ROCK2: variants seen among roughly 807,000 people sequenced by gnomAD.
ROCK2 encodes rho-associated protein kinase 2.
ROCK2 carries 61 observed loss-of-function variants against 195.1 expected under a neutral mutation model. That is an observed-to-expected ratio of 0.31 (90% CI 0.25 to 0.39). ROCK2 has a LOEUF of 0.39. ROCK2 is among the 10% of genes least tolerant of loss of function. The pLI, the probability that ROCK2 is intolerant of heterozygous loss-of-function variation, is 1.00. For synonymous variants in ROCK2, 504 were observed against 545.5 expected, an observed-to-expected ratio of 0.92 and a Z score of 1.06; for missense variants, 1,109 against 1,637.4, an observed-to-expected ratio of 0.68 and a Z score of 5.57.
rs530855737 is a variant in ROCK2, at chr2:11,287,606, T to C, written c.223+49A>G. Reference sequence around the variant, plus strand: ...TGATAATAACCAAACAAAAATCTCTTATCAAAAGTAGAGTTATAAGATCAA... The same window carrying C: ...TGATAATAACCAAACAAAAATCTCTCATCAAAAGTAGAGTTATAAGATCAA... On this transcript the variant is annotated intron_variant, in intron 2 of 32. Coordinates refer to ENST00000315872, the MANE Select transcript of ROCK2 (RefSeq NM_004850.5). 5.1e-5 allele frequency: 27 copies of C among 528,960 alleles called. No individual in the cohort carries two copies. The South Asian group carries it at 1.6e-3, about 31-fold the overall frequency. The allele number at this position is 528,960 out of a possible 1,614,324, so 32.8% of individuals were successfully genotyped here.
chr2:11,314,101 TA>T (rs1668118797), intron 1 of ROCK2, among the ~76,000 whole-genome samples: 1 of 151,834 alleles, frequency 6.6e-6, no homozygotes, highest in African/African-American at 2.4e-5. Context: ...TAAAAGCTAT[TA>T]AAAATAAGGT....
At chr2:11,342,969 T>C (rs1669151572) in intron 1 of ROCK2, among the ~76,000 whole-genome samples, 1 of 152,176 alleles carries the variant, frequency 6.6e-6, no homozygotes, top group African/African-American at 2.4e-5. Context: ...GAGGAGGCAG[T>C]TTTTCTCATC....
intron 23 of ROCK2, among the ~76,000 whole-genome samples, chr2:11,199,074 T>C (rs927599664): frequency 6.6e-6 from 1 of 151,684 alleles, no homozygotes; most frequent in Non-Finnish European, 1.5e-5. Context: ...CTAATTTTTA[T>C]AGTTTTAGTA....
At chr2:11,310,036 T>A (rs1451455140) in intron 1 of ROCK2, among the ~76,000 whole-genome samples, 1 of 152,174 alleles carries the variant, frequency 6.6e-6, no homozygotes, top group Admixed American at 6.5e-5. Context: ...CTTTGAGAGA[T>A]TTCTATGAAT....
intron 6 of ROCK2, among the ~76,000 whole-genome samples, chr2:11,226,301 G>T (rs1664809604): frequency 6.6e-6 from 1 of 152,092 alleles, no homozygotes; most frequent in South Asian, 2.1e-4. Flanking sequence ...AGAAAGTTTT[G>T]AAATACTTCA....
rs34964630 is a variant in ROCK2, at chr2:11,208,601, C to CTT, written c.2204-156_2204-155dup. ...TCTATTAATTTTCTTTTTTTCTTTT[C>CTT]TTTTTTTTTTTTTTGAGACAGAGTC... On this transcript the variant is annotated intron_variant, in intron 18 of 32. Transcript: ENST00000315872. 4.8e-3 allele frequency among the ~76,000 whole-genome samples: 675 copies of CTT among 140,138 alleles called. 3 individuals carry two copies. Among genetic ancestry groups the CTT allele is most frequent in the African/African-American group, 0.011 (424 of 38,406 alleles). The allele number at this position is 140,138 out of a possible 152,430, so 91.9% of individuals were successfully genotyped here.
chr2:11,254,265 G>A (rs546033113), intron 3 of ROCK2, among the ~76,000 whole-genome samples: 11 of 152,260 alleles, frequency 7.2e-5, no homozygotes, highest in Non-Finnish European at 1.3e-4. Flanking sequence ...TGAGAGAAGA[G>A]AAACTCACCA....
intron 1 of ROCK2, among the ~76,000 whole-genome samples, chr2:11,325,665 T>G (rs1015542997): frequency 2.6e-5 from 4 of 152,170 alleles, no homozygotes; most frequent in Non-Finnish European, 5.9e-5. Context: ...ATTTTAACTT[T>G]TCTCTGAATG....
chr2:11,283,454 G>C (rs574651221), intron 3 of ROCK2, among the ~76,000 whole-genome samples: 6 of 149,586 alleles, frequency 4.0e-5, no homozygotes, highest in Non-Finnish European at 8.9e-5. Flanking sequence ...CCAGCTACTC[G>C]GGAGGCTGAG....
At chr2:11,230,398 A>G (rs1456141896) in intron 5 of ROCK2, among the ~76,000 whole-genome samples, 2 of 152,218 alleles carry the variant, frequency 1.3e-5, no homozygotes, top group African/African-American at 2.4e-5. Context: ...CAAAATATGA[A>G]TAAGAATTTT....
Position 11,215,601 on chromosome 2 carries a change from T to C in ROCK2, c.1506A>G (p.Glu502=), listed in dbSNP as rs757268791. ...KSVESALRQL[E]REKALLQHKN... ...TGTGCTGAAGAAGCGCCTTTTCTCT[T>C]TCTAACTGTCTTAATGCTGATTCCA... is the stretch of plus-strand genomic sequence containing the variant. Residue 502 remains glutamate (E), a synonymous_variant, in exon 14 of 33, where the codon GAA becomes GAG. Transcript: ENST00000315872. 1 of 1,613,446 alleles carries C rather than the reference T, an allele frequency of 6.2e-7. No homozygotes were observed. Among genetic ancestry groups the C allele is most frequent in the East Asian group, 2.2e-5 (1 of 44,800 alleles).
chr2:11,255,259 TC>T (rs202161115), intron 3 of ROCK2, among the ~76,000 whole-genome samples: 3,084 of 147,760 alleles, frequency 0.021, 97 homozygotes, highest in East Asian at 0.048. Context: ...TCTTGATCTT[TC>T]CACACATCTA....
At chr2:11,227,119 A>G in intron 6 of ROCK2, 135 bp downstream of exon 6, 1 of 744,022 alleles carries the variant, frequency 1.3e-6, no homozygotes. Context: ...ATCAGATACT[A>G]CTAATTCAAA....
At chr2:11,204,433 T>C (rs1423525945) in intron 20 of ROCK2, among the ~76,000 whole-genome samples, 1 of 152,188 alleles carries the variant, frequency 6.6e-6, no homozygotes, top group Non-Finnish European at 1.5e-5. Context: ...TAGATCTTTT[T>C]TCATTTATAT....
intron 1 of ROCK2, among the ~76,000 whole-genome samples, chr2:11,335,522 A>T (rs1270369483): frequency 6.6e-6 from 1 of 152,204 alleles, no homozygotes; most frequent in African/African-American, 2.4e-5. Context: ...CTTATCACTA[A>T]CAAATTAGAG....
chr2:11,267,081 A>C (rs1473880179), intron 3 of ROCK2, among the ~76,000 whole-genome samples: 2 of 152,222 alleles, frequency 1.3e-5, no homozygotes, highest in African/African-American at 4.8e-5. Flanking sequence ...ATGATAAATC[A>C]AGGTCTGTCA....
chr2:11,270,834 C>T (rs1254905385), intron 3 of ROCK2, among the ~76,000 whole-genome samples: 1 of 152,160 alleles, frequency 6.6e-6, no homozygotes, highest in Non-Finnish European at 1.5e-5. Context: ...ACCATGTTTG[C>T]TTCTAATGCT....
chr2:11,286,451 T>C (rs1395286945), intron 3 of ROCK2, 88 bp downstream of exon 3: 32 of 808,858 alleles, frequency 4.0e-5, no homozygotes, highest in Admixed American at 8.7e-5. Context: ...TGGGTGGGCA[T>C]AGAAATTAGA....
chr2:11,269,233 C>T (rs1666536599), intron 3 of ROCK2, among the ~76,000 whole-genome samples: 1 of 152,040 alleles, frequency 6.6e-6, no homozygotes, highest in South Asian at 2.1e-4. Context: ...TTGTTTTGGC[C>T]AGTAGTGGTG....
Sources: gnomAD v4.1 joint callset for allele counts (sites outside exome capture counted in the v4.1 genomes callset) on GRCh38, gnomAD v4.1.1 for gene constraint, MANE v1.5 for transcripts, NCBI Gene and HGNC (gene_info 2026-07-23, HGNC 2026-07-21) for gene names.